ZMIZ1: variants seen among roughly 807,000 people sequenced by gnomAD.
The protein encoded by ZMIZ1 is zinc finger MIZ domain-containing protein 1.
A neutral mutation model predicts 113.9 loss-of-function variants in ZMIZ1; 17 were observed. The ratio of observed to expected loss-of-function variants is 0.15; its 90% CI spans 0.10 to 0.22. ZMIZ1 has a LOEUF of 0.22. ZMIZ1 is among the 10% of genes least tolerant of loss of function. The pLI is 1.00. For synonymous variants in ZMIZ1, 607 were observed against 603.1 expected (o/e 1.01, Z -0.09); for missense variants, 1,059 against 1,477.8 (o/e 0.72, Z 4.65).
intron 7 of ZMIZ1, among the ~76,000 whole-genome samples, chr10:79,241,714 A>G (rs1849839770): frequency 6.6e-6 from 1 of 152,166 alleles, no homozygotes; most frequent in Non-Finnish European, 1.5e-5. Flanking sequence ...TATGTCAAAC[A>G]AGGAGCAAGA....
chr10:79,217,027 C>T (rs1848759886), intron 7 of ZMIZ1, among the ~76,000 whole-genome samples: 1 of 152,222 alleles, frequency 6.6e-6, no homozygotes, highest in African/African-American at 2.4e-5. Flanking sequence ...ACAGACCTGT[C>T]ACTTGCTAAG....
chr10:79,189,698 A>G (rs1264712452), intron 4 of ZMIZ1, among the ~76,000 whole-genome samples: 2 of 152,254 alleles, frequency 1.3e-5, no homozygotes, highest in Non-Finnish European at 2.9e-5. Context: ...TTATAACACC[A>G]AAGTGCTTTG....
At position 79,315,951 on chromosome 10, in the gene ZMIZ1, A is replaced by G. The variant is rs1001326507; in HGVS notation, c.*3202A>G. The stretch of plus-strand genomic sequence containing the variant: ...TTCTCCACGTCTGTCTCTCTCGCTC[A>G]TGTAATATACTCTGACCCTGAGTGG... On this transcript the variant is annotated 3_prime_UTR_variant, in exon 25 of 25. Transcript: ENST00000334512. 6.6e-6 allele frequency: 1 copy of G among 152,654 alleles called. No individual in the cohort carries two copies. Among genetic ancestry groups the G allele is most frequent in the Admixed American group, 6.5e-5 (1 of 15,276 alleles). 9.5% of individuals were successfully genotyped at this position (152,654 alleles called of 1,614,324 possible).
intron 6 of ZMIZ1, among the ~76,000 whole-genome samples, chr10:79,215,546 G>T (rs974849111): frequency 1.3e-5 from 2 of 152,180 alleles, no homozygotes; most frequent in African/African-American, 2.4e-5. Context: ...TGATCCACCT[G>T]CCTCAGCCTC....
At chr10:79,295,654 C>T (rs1853839393) in intron 12 of ZMIZ1, 1 of 152,276 alleles carries the variant, frequency 6.6e-6, no homozygotes, top group Admixed American at 6.5e-5. Flanking sequence ...CACACTGACA[C>T]TTTCTGACAT....
intron 7 of ZMIZ1, among the ~76,000 whole-genome samples, chr10:79,243,930 G>C (rs1435791791): frequency 6.6e-6 from 1 of 152,238 alleles, no homozygotes; most frequent in Non-Finnish European, 1.5e-5. Context: ...GCACCGGGCC[G>C]GTTTTGTGTG....
At position 79,216,214 on chromosome 10, in the gene ZMIZ1, G is replaced by T. The variant is rs764206783; in HGVS notation, c.220G>T (p.Gly74Cys). 1.3e-6 allele frequency: 2 copies of T among 1,568,588 alleles called. No individual in the cohort carries two copies. ...AAQQGFDLDLGYRLLAVCAAN... is the reference protein window; with the variant it reads ...AAQQGFDLDLCYRLLAVCAAN... ...CCAGCAAGGCTTTGACCTGGACCTC[G>T]GCTACAGACTGCTGGCTGTGTGTGC... The change falls in exon 7 of 25, where the codon GGC becomes TGC. Residue 74 changes from glycine to cysteine, a missense_variant. Gly to Cys is a radical substitution (Grantham distance 159). Coordinates refer to ENST00000334512, the MANE Select transcript of ZMIZ1 (RefSeq NM_020338.4).
chr10:79,211,335 G>A (rs1178644425), intron 6 of ZMIZ1, among the ~76,000 whole-genome samples: 1 of 152,062 alleles, frequency 6.6e-6, no homozygotes, highest in East Asian at 1.9e-4. Context: ...CTGTTCCCCA[G>A]GCATCCTCAG....
chr10:79,175,117 C>CA (rs1846771131), intron 4 of ZMIZ1, among the ~76,000 whole-genome samples: 1 of 152,218 alleles, frequency 6.6e-6, no homozygotes, highest in South Asian at 2.1e-4. Flanking sequence ...AGTGGGGACT[C>CA]AGTGGCCTGT....
intron 7 of ZMIZ1, among the ~76,000 whole-genome samples, chr10:79,275,467 G>C (rs1852224002): frequency 6.6e-6 from 1 of 152,244 alleles, no homozygotes; most frequent in Non-Finnish European, 1.5e-5. Context: ...TGAGCAGATG[G>C]AGCAAGCAGC....
chr10:79,088,514 C>A (rs569147567), intron 1 of ZMIZ1, among the ~76,000 whole-genome samples: 1 of 152,202 alleles, frequency 6.6e-6, no homozygotes, highest in East Asian at 1.9e-4. Context: ...AGGTGCAGGA[C>A]AGCATTTTGT....
At chr10:79,170,315 T>TA (rs1409949813) in intron 4 of ZMIZ1, among the ~76,000 whole-genome samples, 1 of 152,164 alleles carries the variant, frequency 6.6e-6, no homozygotes, top group Admixed American at 6.5e-5. Flanking sequence ...TTTCTGCCCT[T>TA]AAAACCTCAT....
intron 1 of ZMIZ1, among the ~76,000 whole-genome samples, chr10:79,087,430 A>G (rs1370418484): frequency 6.6e-6 from 1 of 152,180 alleles, no homozygotes; most frequent in Admixed American, 6.5e-5. Flanking sequence ...TCCCCTGCCC[A>G]GAGCATGGCT....
intron 2 of ZMIZ1, among the ~76,000 whole-genome samples, chr10:79,121,303 AC>A (rs1374566769): frequency 2.6e-5 from 4 of 151,974 alleles, no homozygotes; most frequent in African/African-American, 9.7e-5. Flanking sequence ...CTTATTAACC[AC>A]ACTGCACCCA....
intron 1 of ZMIZ1, among the ~76,000 whole-genome samples, chr10:79,096,355 C>CA (rs1049365139): frequency 1.4e-4 from 22 of 151,914 alleles, no homozygotes; most frequent in Admixed American, 3.9e-4. Context: ...CTAAAAAATA[C>CA]AAAAAAATTA....
intron 4 of ZMIZ1, among the ~76,000 whole-genome samples, chr10:79,185,561 A>G (rs1479941254): frequency 1.3e-5 from 2 of 151,474 alleles, no homozygotes; most frequent in Non-Finnish European, 2.9e-5. Flanking sequence ...GCAGGTTTAT[A>G]TTTGGAAAGC....
intron 3 of ZMIZ1, among the ~76,000 whole-genome samples, chr10:79,146,690 G>A (rs1036409538): frequency 9.2e-5 from 14 of 152,226 alleles, no homozygotes; most frequent in African/African-American, 3.4e-4. Flanking sequence ...GAGGGCGGAA[G>A]GAAAACACCA....
chr10:79,158,275 T>G (rs1845979724), intron 3 of ZMIZ1, among the ~76,000 whole-genome samples: 1 of 152,154 alleles, frequency 6.6e-6, no homozygotes, highest in Non-Finnish European at 1.5e-5. Flanking sequence ...AACTCCAGGT[T>G]GAGGGTGCCC....
At chr10:79,156,978 AAAAG>A (rs1413612887) in intron 3 of ZMIZ1, among the ~76,000 whole-genome samples, 1 of 152,242 alleles carries the variant, frequency 6.6e-6, no homozygotes, top group Non-Finnish European at 1.5e-5. Flanking sequence ...TATGCAAGCG[AAAAG>A]AAACACCAGC....
Sources: allele counts gnomAD v4.1 joint callset (sites outside exome capture counted in the v4.1 genomes callset), GRCh38; gene constraint gnomAD v4.1.1; transcripts MANE v1.5; gene names NCBI Gene and HGNC (gene_info 2026-07-23, HGNC 2026-07-21).